The following PARD3B variants were observed in gnomAD, a reference collection of about 807,000 sequenced individuals.
PARD3B encodes the protein par-3 family cell polarity regulator beta.
In PARD3B, 103 loss-of-function variants were observed where a neutral mutation model predicts 130.2. The observed-to-expected ratio is 0.79, with a 90% CI of 0.67 to 0.93. The LOEUF is 0.93. Ranked by LOEUF, PARD3B falls within the 40% of genes least tolerant of loss-of-function variation. The probability of loss-of-function intolerance (pLI) is 0.00; values close to 1 mark genes in which losing one functional copy is unlikely to be tolerated. For synonymous variants in PARD3B, 583 were observed against 553.2 expected (o/e 1.05, Z -0.76); for missense variants, 1,609 against 1,499.2 (o/e 1.07, Z -1.21).
chr2:205,134,285 G>T (rs1242371247), intron 10 of PARD3B, among the ~76,000 whole-genome samples: 1 of 151,924 alleles, frequency 6.6e-6, no homozygotes, highest in Non-Finnish European at 1.5e-5. Flanking sequence ...CACTTCAGGA[G>T]GCTGAGGTTG....
intron 15 of PARD3B, among the ~76,000 whole-genome samples, chr2:205,204,560 T>A (rs1278852784): frequency 6.6e-6 from 1 of 152,226 alleles, no homozygotes; most frequent in Non-Finnish European, 1.5e-5. Context: ...CTAGGTGTTC[T>A]TCTAGGGTTT....
chr2:205,047,597 G>A lies in PARD3B; in HGVS notation c.411G>A (p.Val137=). Reference sequence around the variant, plus strand: ...GTCTTCCAGGCACTCCACTGCTGGTGAGGAGAAGCAGTGACCCAGTGCCAG... The same window carrying A: ...GTCTTCCAGGCACTCCACTGCTGGTAAGGAGAAGCAGTGACCCAGTGCCAG... ...SALKLGTPLL[V]RRSSDPVPGP... is the part of the protein sequence containing the mutation. The change falls in exon 4 of 23, where the codon GTG becomes GTA. Residue 137 remains valine, a synonymous_variant. Transcript: ENST00000406610. The A allele has an allele frequency of 1.9e-6, 3 of 1,549,794 alleles. No individual in the cohort carries two copies. The highest frequency in any genetic ancestry group is 2.6e-6 in the Non-Finnish European group (3 of 1,146,508).
chr2:205,044,541 T>C (rs1698631115), intron 3 of PARD3B, among the ~76,000 whole-genome samples: 2 of 151,350 alleles, frequency 1.3e-5, no homozygotes, highest in African/African-American at 2.4e-5. Flanking sequence ...TTGATTTGCA[T>C]TTCTCTGATG....
intron 15 of PARD3B, among the ~76,000 whole-genome samples, chr2:205,227,508 T>C (rs986451081): frequency 3.1e-4 from 47 of 152,198 alleles, no homozygotes; most frequent in African/African-American, 1.1e-3. Context: ...CTCCTGCTCT[T>C]TTTTAGTTTC....
At chr2:205,317,531 C>A (rs965427815) in intron 18 of PARD3B, among the ~76,000 whole-genome samples, 12 of 152,228 alleles carry the variant, frequency 7.9e-5, no homozygotes, top group African/African-American at 2.9e-4. Flanking sequence ...ACCAACTCAT[C>A]CCACTTTGAA....
At chr2:205,138,312 G>A (rs995393383) in intron 10 of PARD3B, among the ~76,000 whole-genome samples, 7 of 152,084 alleles carry the variant, frequency 4.6e-5, no homozygotes, top group African/African-American at 9.7e-5. Flanking sequence ...GTTTAGCAGC[G>A]TTTTTACCTA....
intron 4 of PARD3B, among the ~76,000 whole-genome samples, chr2:205,098,775 C>G (rs1019150140): frequency 1.3e-5 from 2 of 152,070 alleles, no homozygotes; most frequent in African/African-American, 4.8e-5. Flanking sequence ...CAGTTGTTAG[C>G]GCTAGTGCTA....
At chr2:204,866,002 C>T (rs533686711) in intron 2 of PARD3B, among the ~76,000 whole-genome samples, 2 of 152,288 alleles carry the variant, frequency 1.3e-5, no homozygotes, top group East Asian at 1.9e-4. Flanking sequence ...CCAGAGCTAG[C>T]CTCCCAATCC....
chr2:204,648,071 A>G (rs746665652), intron 1 of PARD3B, among the ~76,000 whole-genome samples: 14 of 151,740 alleles, frequency 9.2e-5, no homozygotes, highest in Non-Finnish European at 1.9e-4. Context: ...AGAAAATTAT[A>G]TATCTGTAGC....
At chr2:205,514,177 G>T (rs1203518509) in intron 21 of PARD3B, among the ~76,000 whole-genome samples, 1 of 152,088 alleles carries the variant, frequency 6.6e-6, no homozygotes, top group African/African-American at 2.4e-5. Context: ...ACAACTGTGT[G>T]TCACAACTTA....
At chr2:205,109,834 AG>A (rs1487097210) in intron 5 of PARD3B, among the ~76,000 whole-genome samples, 4 of 151,778 alleles carry the variant, frequency 2.6e-5, no homozygotes, top group Non-Finnish European at 5.9e-5. Context: ...TTGTATTTTT[AG>A]TAGAGATGGT....
chr2:205,066,618 A>G (rs570578322), intron 4 of PARD3B, among the ~76,000 whole-genome samples: 32 of 152,270 alleles, frequency 2.1e-4, no homozygotes, highest in African/African-American at 7.2e-4. Flanking sequence ...GAAAGGTGGT[A>G]TAGTTAAAAT....
intron 14 of PARD3B, among the ~76,000 whole-genome samples, chr2:205,186,158 A>G (rs1489385901): frequency 6.6e-6 from 1 of 152,196 alleles, no homozygotes; most frequent in Non-Finnish European, 1.5e-5. Flanking sequence ...ATGGAGCTCA[A>G]AGAAAAGTGA....
chr2:205,008,601 A>G (rs1408085021), intron 3 of PARD3B, among the ~76,000 whole-genome samples: 1 of 152,182 alleles, frequency 6.6e-6, no homozygotes. Context: ...AATGCAATTC[A>G]GCTTTATGTA....
At chr2:205,262,986 C>T in intron 16 of PARD3B, among the ~76,000 whole-genome samples, 1 of 152,152 alleles carries the variant, frequency 6.6e-6, no homozygotes, top group South Asian at 2.1e-4. Context: ...AATTCTGGAT[C>T]TAGGCATAGA....
At position 204,732,814 on chromosome 2, in the gene PARD3B, G is replaced by T. The variant is rs532366357; in HGVS notation, c.222+46532G>T. On this transcript the variant is annotated intron_variant, in intron 2 of 22. Transcript: ENST00000406610. Reference sequence around the variant, plus strand: ...TTCACAAACCTGAGTGAGGTTCATTGTGAGGGTAGAATTTTGGAGAAAAAT... The same window carrying T: ...TTCACAAACCTGAGTGAGGTTCATTTTGAGGGTAGAATTTTGGAGAAAAAT... Among the ~76,000 whole-genome samples the T allele has an allele frequency of 2.0e-5, 3 of 152,272 alleles. 1 individual carries two copies. The South Asian group carries it at 6.2e-4, about 32-fold the overall frequency.
At chr2:204,817,061 T>C (rs1461693841) in intron 2 of PARD3B, among the ~76,000 whole-genome samples, 1 of 152,250 alleles carries the variant, frequency 6.6e-6, no homozygotes, top group Non-Finnish European at 1.5e-5. Context: ...TTTTTATCTC[T>C]AGAAGTTTGT....
At chr2:205,310,236 C>G (rs372883883) in intron 18 of PARD3B, among the ~76,000 whole-genome samples, 1 of 151,804 alleles carries the variant, frequency 6.6e-6, no homozygotes, top group Non-Finnish European at 1.5e-5. Context: ...AGGGGCCCAC[C>G]ACCACGCCCA....
chr2:205,464,295 A>G (rs60623560), intron 20 of PARD3B, among the ~76,000 whole-genome samples: 1 of 152,218 alleles, frequency 6.6e-6, no homozygotes, highest in Non-Finnish European at 1.5e-5. Flanking sequence ...GGATAAATCA[A>G]TGAATGAATG....
Sources: gnomAD v4.1 joint callset for allele counts (sites outside exome capture counted in the v4.1 genomes callset) on GRCh38, gnomAD v4.1.1 for gene constraint, MANE v1.5 for transcripts, NCBI Gene and HGNC (gene_info 2026-07-23, HGNC 2026-07-21) for gene names.